Variants in L3MBTL4 observed in about 807,000 individuals in gnomAD.
L3MBTL4 encodes the protein lethal(3)malignant brain tumor-like protein 4.
A neutral mutation model predicts 84.5 loss-of-function variants in L3MBTL4; 70 were observed. That is an observed-to-expected ratio of 0.83 (90% CI 0.68 to 1.01). The LOEUF is 1.01. Among genes scored for constraint, L3MBTL4 ranks in the 50% least tolerant of loss-of-function variants. The probability of loss-of-function intolerance (pLI) is 0.00; values close to 1 mark genes in which losing one functional copy is unlikely to be tolerated. For synonymous variants in L3MBTL4, 274 were observed against 259.8 expected (o/e 1.05, Z -0.52); for missense variants, 715 against 754.8 (o/e 0.95, Z 0.62).
chr18:6,075,167 G>A (rs1364177148), intron 16 of L3MBTL4, among the ~76,000 whole-genome samples: 1 of 152,146 alleles, frequency 6.6e-6, no homozygotes, highest in African/African-American at 2.4e-5. Context: ...TGTATGATGT[G>A]TGTGTGTAAG....
intron 14 of L3MBTL4, among the ~76,000 whole-genome samples, 192 bp from the exon 15 acceptor site, chr18:6,093,720 C>T (rs1266115954): frequency 6.6e-6 from 1 of 152,176 alleles, no homozygotes; most frequent in Non-Finnish European, 1.5e-5. Context: ...GAACCACAGA[C>T]ACTGGTCAAC....
intron 5 of L3MBTL4, among the ~76,000 whole-genome samples, chr18:6,250,208 C>T (rs546902843): frequency 2.6e-5 from 4 of 152,274 alleles, no homozygotes; most frequent in East Asian, 3.9e-4. Flanking sequence ...AAGTTCCACA[C>T]CTCTTGACAA....
intron 5 of L3MBTL4, among the ~76,000 whole-genome samples, chr18:6,253,533 G>C (rs914083166): frequency 2.0e-5 from 3 of 152,322 alleles, no homozygotes; most frequent in East Asian, 1.9e-4. Flanking sequence ...GAGGACAAGG[G>C]AGGCAGAGGA....
chr18:6,010,926 C>T (rs540464909), intron 16 of L3MBTL4, among the ~76,000 whole-genome samples: 2 of 152,192 alleles, frequency 1.3e-5, no homozygotes, highest in South Asian at 2.1e-4. Flanking sequence ...TTAGAATCAC[C>T]CTTCACTTGT....
At chr18:6,238,472 A>G (rs532951577) in intron 9 of L3MBTL4, among the ~76,000 whole-genome samples, 2 of 152,184 alleles carry the variant, frequency 1.3e-5, no homozygotes, top group South Asian at 4.2e-4. Flanking sequence ...GGCGGAGCTC[A>G]CAGTGAGCCA....
At chr18:6,104,065 G>A (rs1450114633) in intron 14 of L3MBTL4, among the ~76,000 whole-genome samples, 1 of 152,134 alleles carries the variant, frequency 6.6e-6, no homozygotes, top group Non-Finnish European at 1.5e-5. Flanking sequence ...CTCCTCCTTG[G>A]GTCAGAGTTA....
intron 15 of L3MBTL4, among the ~76,000 whole-genome samples, chr18:6,086,547 TG>T (rs1234728577): frequency 1.3e-5 from 2 of 152,132 alleles, no homozygotes; most frequent in Non-Finnish European, 2.9e-5. Flanking sequence ...AGGTGGAGAC[TG>T]GCAAGAGCTG....
chr18:6,332,449 G>A (rs1215595029), intron 1 of L3MBTL4, among the ~76,000 whole-genome samples: 2 of 152,068 alleles, frequency 1.3e-5, no homozygotes, highest in East Asian at 3.9e-4. Context: ...ATGGTTCCAG[G>A]GTAGGCAGGT....
chr18:6,145,450 A>G (rs8096946), intron 13 of L3MBTL4, among the ~76,000 whole-genome samples: 9,910 of 152,074 alleles, frequency 0.065, 434 homozygotes, highest in Non-Finnish European at 0.096. Flanking sequence ...ATTTAAATAT[A>G]TAGATGAGTT....
At chr18:6,314,439 G>A (rs572761140) in intron 1 of L3MBTL4, among the ~76,000 whole-genome samples, 9 of 152,200 alleles carry the variant, frequency 5.9e-5, no homozygotes, top group African/African-American at 1.2e-4. Flanking sequence ...AGCTGTGCCC[G>A]GTGTCCTCTG....
intron 16 of L3MBTL4, among the ~76,000 whole-genome samples, chr18:6,040,685 G>C (rs1029322275): frequency 2.6e-5 from 4 of 152,154 alleles, no homozygotes; most frequent in Non-Finnish European, 5.9e-5. Flanking sequence ...AAGTCACTCA[G>C]TGCTTGAAAC....
At chr18:6,134,929 A>G (rs550338318) in intron 14 of L3MBTL4, among the ~76,000 whole-genome samples, 1 of 152,264 alleles carries the variant, frequency 6.6e-6, no homozygotes, top group East Asian at 1.9e-4. Flanking sequence ...CTGACCCCAC[A>G]TTTCCCTTCC....
chr18:6,042,031 C>T (rs1223157567), intron 16 of L3MBTL4, among the ~76,000 whole-genome samples: 1 of 152,092 alleles, frequency 6.6e-6, no homozygotes, highest in Non-Finnish European at 1.5e-5. Context: ...ATCTGTGAAC[C>T]ATTTCGAACT....
intron 18 of L3MBTL4, among the ~76,000 whole-genome samples, chr18:5,957,119 A>G (rs1215538436): frequency 6.6e-6 from 1 of 152,186 alleles, no homozygotes; most frequent in African/African-American, 2.4e-5. Context: ...ACTTTCCTGT[A>G]TTTAAATTTT....
chr18:6,075,590 C>T lies in L3MBTL4; in HGVS notation c.1444+5291G>A, dbSNP rs114903261. On this transcript the variant is annotated intron_variant, in intron 16 of 18. Transcript: ENST00000317931. ...AAAATAAAGATTCTAGAATAAAAAT[C>T]AGCAAAATGAACATGTGGTTGACAA... Among the ~76,000 whole-genome samples the T allele has an allele frequency of 6.6e-3, 1,000 of 152,152 alleles. 9 individuals carry two copies. The highest frequency in any genetic ancestry group is 0.023 in the African/African-American group (955 of 41,520).
chr18:6,158,313 A>C (rs1054623872), intron 13 of L3MBTL4, among the ~76,000 whole-genome samples: 10 of 152,214 alleles, frequency 6.6e-5, no homozygotes, highest in Non-Finnish European at 1.5e-5. Context: ...GCTATTCTTT[A>C]GATAATATGG....
chr18:6,348,668 A>G (rs1262523123), intron 1 of L3MBTL4, among the ~76,000 whole-genome samples: 7 of 152,110 alleles, frequency 4.6e-5, no homozygotes, highest in South Asian at 4.1e-4. Context: ...AATAATATAC[A>G]AAAAGGTACC....
intron 1 of L3MBTL4, among the ~76,000 whole-genome samples, chr18:6,331,189 T>C (rs923487241): frequency 7.4e-6 from 1 of 135,716 alleles, no homozygotes; most frequent in Non-Finnish European, 1.5e-5. Flanking sequence ...GCTAAATGCA[T>C]GGTTTGAGAT....
At chr18:6,298,760 G>C (rs1198679775) in intron 4 of L3MBTL4, among the ~76,000 whole-genome samples, 2 of 152,106 alleles carry the variant, frequency 1.3e-5, no homozygotes, top group Non-Finnish European at 2.9e-5. Context: ...TGTAATCCCA[G>C]TTACTCGGGA....
Sources: gnomAD v4.1 joint callset for allele counts (sites outside exome capture counted in the v4.1 genomes callset) on GRCh38, gnomAD v4.1.1 for gene constraint, MANE v1.5 for transcripts, NCBI Gene and HGNC (gene_info 2026-07-23, HGNC 2026-07-21) for gene names.